Variants in LINGO2 observed in about 807,000 individuals in gnomAD.
LINGO2 encodes leucine rich repeat and Ig domain containing 2.
Under a neutral mutation model 30.6 loss-of-function variants are expected in LINGO2, and 14 were observed. The ratio of observed to expected loss-of-function variants is 0.46; its 90% CI spans 0.30 to 0.72. The LOEUF (loss-of-function observed/expected upper bound fraction) is 0.72, where lower values mean the gene tolerates loss of function less well. Ranked by LOEUF, LINGO2 falls within the 30% of genes least tolerant of loss-of-function variation. The pLI, the probability that LINGO2 is intolerant of heterozygous loss-of-function variation, is 0.07. For synonymous variants in LINGO2, 317 were observed against 288.5 expected (o/e 1.10, Z -1.00); for missense variants, 729 against 751.7 (o/e 0.97, Z 0.35).
chr9:29,038,167 T>C, the LINGO2 span, among the ~76,000 whole-genome samples: 1 of 152,196 alleles, frequency 6.6e-6, no homozygotes, highest in South Asian at 2.1e-4. Context: ...ATAGTACACA[T>C]ATATTCAACT....
chr9:29,054,413 T>C, the LINGO2 span, among the ~76,000 whole-genome samples: 10 of 152,208 alleles, frequency 6.6e-5, no homozygotes, highest in Admixed American at 3.3e-4. Flanking sequence ...CCAAGTTTCT[T>C]TGGATTTTGT....
intron 4 of LINGO2, among the ~76,000 whole-genome samples, chr9:28,185,123 A>C (rs1819497459): frequency 6.6e-6 from 1 of 152,182 alleles, no homozygotes; most frequent in Admixed American, 6.6e-5. Flanking sequence ...GTGTCTTCAG[A>C]ACATTATTAC....
At chr9:28,433,525 T>A (rs13294787) in intron 2 of LINGO2, among the ~76,000 whole-genome samples, 5 of 151,806 alleles carry the variant, frequency 3.3e-5, no homozygotes, top group Non-Finnish European at 5.9e-5. Context: ...TTAAGACATA[T>A]TTCTGAAAGC....
intron 4 of LINGO2, among the ~76,000 whole-genome samples, chr9:28,131,409 T>C (rs1827374943): frequency 6.6e-6 from 1 of 152,184 alleles, no homozygotes. Context: ...TGTTTGCACT[T>C]GGCTTATCAC....
intron 4 of LINGO2, among the ~76,000 whole-genome samples, chr9:28,251,541 G>A (rs1372372921): frequency 6.6e-6 from 1 of 152,044 alleles, no homozygotes; most frequent in Non-Finnish European, 1.5e-5. Flanking sequence ...ATACCTGCCT[G>A]ATTATACAAA....
At chr9:29,012,803 A>C in the LINGO2 span, among the ~76,000 whole-genome samples, 1 of 152,158 alleles carries the variant, frequency 6.6e-6, no homozygotes, top group Non-Finnish European at 1.5e-5. Flanking sequence ...TGTAACCTGA[A>C]GTAATCTTTT....
the LINGO2 span, among the ~76,000 whole-genome samples, chr9:28,989,982 T>A: frequency 6.6e-6 from 1 of 152,182 alleles, no homozygotes; most frequent in Non-Finnish European, 1.5e-5. Flanking sequence ...GACGGCTGAT[T>A]TCTGCATTTC....
At chr9:28,196,528 G>A (rs1458665742) in intron 4 of LINGO2, among the ~76,000 whole-genome samples, 1 of 151,802 alleles carries the variant, frequency 6.6e-6, no homozygotes, top group Non-Finnish European at 1.5e-5. Context: ...TAATATCTCA[G>A]AAAAAGCTTG....
chr9:28,642,567 T>TG (rs1372969352), intron 1 of LINGO2, among the ~76,000 whole-genome samples: 1 of 152,188 alleles, frequency 6.6e-6, no homozygotes, highest in Non-Finnish European at 1.5e-5. Flanking sequence ...GCTTACATTG[T>TG]GACTAGTCTT....
the LINGO2 span, among the ~76,000 whole-genome samples, chr9:29,029,453 G>A: frequency 9.2e-5 from 14 of 152,186 alleles, no homozygotes; most frequent in Admixed American, 2.6e-4. Context: ...TCTTGAAAAT[G>A]GGTAGCAGAG....
chr9:28,273,837 G>C (rs1352079138), intron 4 of LINGO2, among the ~76,000 whole-genome samples: 1 of 152,092 alleles, frequency 6.6e-6, no homozygotes, highest in Non-Finnish European at 1.5e-5. Context: ...GTAATCTTCA[G>C]ACATGTCAGT....
At chr9:28,525,074 A>T (rs141245966) in intron 1 of LINGO2, among the ~76,000 whole-genome samples, 1 of 152,172 alleles carries the variant, frequency 6.6e-6, no homozygotes, top group Non-Finnish European at 1.5e-5. Flanking sequence ...TATCTAAAAA[A>T]TATATATGAA....
chr9:27,957,806 T>G (rs1260354923), intron 5 of LINGO2, among the ~76,000 whole-genome samples: 1 of 152,252 alleles, frequency 6.6e-6, no homozygotes, highest in Non-Finnish European at 1.5e-5. Context: ...GAATCGATAT[T>G]ATAACAGTAT....
At chr9:28,585,845 T>C (rs1265467554) in intron 1 of LINGO2, among the ~76,000 whole-genome samples, 1 of 152,022 alleles carries the variant, frequency 6.6e-6, no homozygotes, top group East Asian at 1.9e-4. Context: ...TTCAAGATTG[T>C]CATTGTTGAG....
rs548752107 is a variant in LINGO2 at position 28,147,164 on chromosome 9, C to T, written c.-86-134759G>A. Among the ~76,000 whole-genome samples the T allele has an allele frequency of 6.6e-6, 1 of 152,282 alleles. No homozygotes were observed. The highest frequency in any genetic ancestry group is 6.5e-5 in the Admixed American group (1 of 15,310). On this transcript the variant is annotated intron_variant, in intron 4 of 5. Coordinates refer to ENST00000379992, the Ensembl canonical transcript of LINGO2. This position sits in a 1 kb window ranked among gnomAD's most constrained non-coding sequence, Gnocchi z 4.7. ...CTTCGAGGTGTTCATGTGCTTATTACAGATATGCCATGGTGCTAAGTACCC... is the reference window on the plus strand; with the variant it reads ...CTTCGAGGTGTTCATGTGCTTATTATAGATATGCCATGGTGCTAAGTACCC...
chr9:28,819,440 AT>A, the LINGO2 span, among the ~76,000 whole-genome samples: 1 of 152,152 alleles, frequency 6.6e-6, no homozygotes, highest in African/African-American at 2.4e-5. Flanking sequence ...AACATCTGAT[AT>A]GGCATATTGG....
chr9:28,600,026 G>C (rs990053862), intron 1 of LINGO2, among the ~76,000 whole-genome samples: 3 of 151,862 alleles, frequency 2.0e-5, no homozygotes, highest in African/African-American at 7.3e-5. Context: ...TTTGAAAATG[G>C]CAAAATATTC....
chr9:28,073,100 A>G (rs937778443), intron 4 of LINGO2, among the ~76,000 whole-genome samples: 1 of 151,890 alleles, frequency 6.6e-6, no homozygotes, highest in African/African-American at 2.4e-5. Context: ...TTAGATACCA[A>G]CTAGACGGTG....
the LINGO2 span, among the ~76,000 whole-genome samples, chr9:28,849,206 C>A: frequency 6.6e-6 from 1 of 151,934 alleles, no homozygotes; most frequent in Non-Finnish European, 1.5e-5. Flanking sequence ...AACAAAACAT[C>A]TCTATTTGAT....
Sources: allele counts gnomAD v4.1 joint callset (sites outside exome capture counted in the v4.1 genomes callset), GRCh38; gene constraint gnomAD v4.1.1; non-coding constraint Gnocchi (gnomAD v3.1); transcripts MANE v1.5; gene names NCBI Gene and HGNC (gene_info 2026-07-23, HGNC 2026-07-21).